CLUL1: variants seen among roughly 807,000 people sequenced by gnomAD.
CLUL1 encodes clusterin-like protein 1.
Under a neutral mutation model 49.4 loss-of-function variants are expected in CLUL1, and 43 were observed. The observed-to-expected ratio is 0.87, with a 90% CI of 0.68 to 1.12. The LOEUF (loss-of-function observed/expected upper bound fraction) is 1.12, where lower values mean the gene tolerates loss of function less well. CLUL1 is among the 50% of genes most tolerant of loss of function. The pLI is 0.00. For synonymous variants in CLUL1, 192 were observed against 184.9 expected, an observed-to-expected ratio of 1.04 and a Z score of -0.31; for missense variants, 486 against 544.4, an observed-to-expected ratio of 0.89 and a Z score of 1.07.
At chr18:637,166 T>C (rs1399838071) in intron 7 of CLUL1, among the ~76,000 whole-genome samples, 1 of 151,952 alleles carries the variant, frequency 6.6e-6, no homozygotes, top group Non-Finnish European at 1.5e-5. Context: ...TTTTGTATTT[T>C]TAGTAGAGAC....
intron 2 of CLUL1, chr18:613,166 C>T (rs1290377734): frequency 1.8e-5 from 8 of 449,734 alleles, no homozygotes; most frequent in South Asian, 5.0e-5. Context: ...GAGATGGAGT[C>T]TTGCTCTCGT....
intron 2 of CLUL1, among the ~76,000 whole-genome samples, chr18:613,625 T>C (rs751959121): frequency 4.0e-5 from 6 of 151,010 alleles, no homozygotes; most frequent in Non-Finnish European, 7.4e-5. Context: ...CAGCTAATTT[T>C]TGTATTTTTA....
intron 2 of CLUL1, among the ~76,000 whole-genome samples, chr18:615,244 G>A (rs901238652): frequency 1.3e-5 from 2 of 152,160 alleles, no homozygotes; most frequent in East Asian, 1.9e-4. Context: ...AACAGATGAA[G>A]TAATTAGAGG....
intron 7 of CLUL1, among the ~76,000 whole-genome samples, chr18:638,237 C>A (rs1598441098): frequency 6.6e-6 from 1 of 152,282 alleles, no homozygotes; most frequent in East Asian, 1.9e-4. Flanking sequence ...AAAATAGACA[C>A]TTAATATACT....
At chr18:626,727 G>A (rs575280864) in intron 5 of CLUL1, among the ~76,000 whole-genome samples, 32 of 150,030 alleles carry the variant, frequency 2.1e-4, no homozygotes, top group African/African-American at 7.4e-4. Flanking sequence ...CAGGCATGGC[G>A]GTGTGCAACT....
At chr18:631,333 G>A (rs924528538) in intron 6 of CLUL1, among the ~76,000 whole-genome samples, 2 of 151,836 alleles carry the variant, frequency 1.3e-5, no homozygotes, top group African/African-American at 4.8e-5. Context: ...TCCCTGGAAG[G>A]AACAGATGAG....
rs2073372920 is a variant in CLUL1, at chr18:618,371, T to C, written c.106+265T>C. Among the ~76,000 whole-genome samples the C allele has an allele frequency of 6.6e-6, 1 of 152,216 alleles. No individual in the cohort carries two copies. On this transcript the variant is annotated intron_variant, in intron 3 of 9. Coordinates refer to ENST00000692774, the MANE Select transcript of CLUL1 (RefSeq NM_001393344.1). This position sits in a 1 kb window ranked among gnomAD's most constrained non-coding sequence, Gnocchi z 4.2. Reference sequence around the variant, plus strand: ...AGTTTTTTCACTGCATTTTTTTGTATCATCCAGATGGTTGGTGTCATCTCA... The same window carrying C: ...AGTTTTTTCACTGCATTTTTTTGTACCATCCAGATGGTTGGTGTCATCTCA...
chr18:624,870 C>T lies in CLUL1; in HGVS notation c.261C>T (p.Ala87=). 3 of 1,613,454 alleles carry T rather than the reference C, an allele frequency of 1.9e-6. No homozygotes were observed. The highest frequency in any genetic ancestry group is 1.1e-5 in the South Asian group (1 of 90,942). ...TTGTTTCTACTTTTAACTAGGAGGC[C>T]CTGAAACTTCTGAATGAAGTTCAAG... The part of the protein sequence containing the change: ...LKKCREEKQE[A]LKLLNEVQEH... Residue 87 remains alanine (A), a synonymous_variant, in exon 5 of 10, where the codon GCC becomes GCT. Transcript: ENST00000692774.
intron 2 of CLUL1, among the ~76,000 whole-genome samples, chr18:611,469 C>T (rs565152104): frequency 3.6e-4 from 54 of 151,880 alleles, no homozygotes; most frequent in Non-Finnish European, 5.4e-4. Flanking sequence ...GAGGCTGAGG[C>T]GGGAGGATCA....
At chr18:628,055 G>A (rs1036804292) in intron 6 of CLUL1, among the ~76,000 whole-genome samples, 7 of 152,176 alleles carry the variant, frequency 4.6e-5, no homozygotes, top group Admixed American at 6.5e-5. Flanking sequence ...TCAAACTCCC[G>A]ACCTCAGGTG....
chr18:627,555 T>A, intron 6 of CLUL1, 26 bp downstream of exon 6: 1 of 1,529,424 alleles, frequency 6.5e-7, no homozygotes, highest in Non-Finnish European at 8.9e-7. Flanking sequence ...TTACTTTTAC[T>A]TAGAGGTTTA....
In CLUL1 at chr18:635,053, A is replaced by G. The variant is rs535659887; in HGVS notation, c.994+1618A>G. ...AGAAATCAACATGTCAGTAAATTCT[A>G]CAACACTAGCTAGAGATTTGGGGCA... On this transcript the variant is annotated intron_variant, in intron 7 of 9. Transcript: ENST00000692774. Among the ~76,000 whole-genome samples, 4 of 152,326 alleles carry G rather than the reference A, an allele frequency of 2.6e-5. No homozygotes were observed. In the South Asian group the frequency reaches 8.3e-4, roughly 32 times the overall value.
At chr18:649,739 T>G in intron 9 of CLUL1, 159 bp from the exon 10 acceptor site, 1 of 566,856 alleles carries the variant, frequency 1.8e-6, no homozygotes, top group Non-Finnish European at 3.2e-6. Context: ...TGCATATGGG[T>G]TTCACATTAT....
chr18:639,917 G>C (rs1000217760), intron 7 of CLUL1, among the ~76,000 whole-genome samples: 1 of 152,144 alleles, frequency 6.6e-6, no homozygotes, highest in Non-Finnish European at 1.5e-5. Flanking sequence ...AGTGCTTACA[G>C]TCAAGCAGAG....
chr18:607,796 A>C (rs1424650588), intron 2 of CLUL1, among the ~76,000 whole-genome samples: 2 of 152,056 alleles, frequency 1.3e-5, no homozygotes, highest in African/African-American at 4.8e-5. Context: ...TCCTGGTGTT[A>C]AGCGATCCTC....
rs1291725299 is a variant in CLUL1, at chr18:597,036, G to A, written c.-229G>A. On this transcript the variant is annotated 5_prime_UTR_variant, in exon 1 of 10. Coordinates refer to ENST00000692774, the MANE Select transcript of CLUL1 (RefSeq NM_001393344.1). Reference sequence around the variant, plus strand: ...GGCCGCGGGGTTGGTTTCCACCCTGGAGGTTGCTGACACCCTGTGCCCTCG... The same window carrying A: ...GGCCGCGGGGTTGGTTTCCACCCTGAAGGTTGCTGACACCCTGTGCCCTCG... 1 of 152,736 alleles carries A rather than the reference G, an allele frequency of 6.5e-6. No homozygotes were observed. The highest frequency in any genetic ancestry group is 1.5e-5 in the Non-Finnish European group (1 of 68,136). 9.5% of individuals were successfully genotyped at this position (152,736 alleles called of 1,614,324 possible).
chr18:599,880 G>A (rs550745542), intron 1 of CLUL1, among the ~76,000 whole-genome samples: 2 of 151,648 alleles, frequency 1.3e-5, no homozygotes. Context: ...CCCGGGAGGC[G>A]GAGCTTGCAG....
intron 2 of CLUL1, among the ~76,000 whole-genome samples, chr18:613,813 G>C (rs1353631561): frequency 2.6e-5 from 4 of 152,128 alleles, no homozygotes; most frequent in Non-Finnish European, 5.9e-5. Context: ...CACTCTGTGT[G>C]GCTCAATAAA....
At chr18:605,568 CAA>C (rs981646906) in intron 1 of CLUL1, among the ~76,000 whole-genome samples, 1 of 125,800 alleles carries the variant, frequency 7.9e-6, no homozygotes. Flanking sequence ...GACCTTGTCT[CAA>C]AAAAAAAAAG....
Sources: allele counts gnomAD v4.1 joint callset (sites outside exome capture counted in the v4.1 genomes callset), GRCh38; gene constraint gnomAD v4.1.1; non-coding constraint Gnocchi (gnomAD v3.1); transcripts MANE v1.5; gene names NCBI Gene and HGNC (gene_info 2026-07-23, HGNC 2026-07-21).